Variants in FTO observed in about 807,000 individuals in gnomAD.
The protein encoded by FTO is alpha-ketoglutarate-dependent dioxygenase FTO.
FTO carries 47 observed loss-of-function variants against 63.9 expected under a neutral mutation model. The ratio of observed to expected loss-of-function variants is 0.74; its 90% CI spans 0.58 to 0.94. The LOEUF is 0.94. Among genes scored for constraint, FTO ranks in the 40% least tolerant of loss-of-function variants. The pLI is 0.00. For missense variants in FTO, 562 were observed against 618.1 expected, an observed-to-expected ratio of 0.91 and a Z score of 0.96; for synonymous variants, 207 against 224.4, an observed-to-expected ratio of 0.92 and a Z score of 0.69.
At chr16:53,878,503 G>T (rs1485926705) in intron 5 of FTO, among the ~76,000 whole-genome samples, 2 of 152,248 alleles carry the variant, frequency 1.3e-5, no homozygotes, top group South Asian at 4.1e-4. Flanking sequence ...TCCCAGGCTT[G>T]TTGATGTCGC....
intron 4 of FTO, among the ~76,000 whole-genome samples, chr16:53,857,468 T>TCTCTCTCTCTCTC (rs34270264): frequency 8.0e-6 from 1 of 124,830 alleles, no homozygotes; most frequent in African/African-American, 4.4e-5. Flanking sequence ...CTCTCTCTCT[T>TCTCTCTCTCTCTC]TCTATATATA....
At chr16:53,972,662 G>T (rs2083351185) in intron 8 of FTO, among the ~76,000 whole-genome samples, 3 of 152,264 alleles carry the variant, frequency 2.0e-5, no homozygotes, top group South Asian at 4.1e-4. Flanking sequence ...CTCAAATGTT[G>T]GTGGATAAAG....
At chr16:53,729,088 C>T (rs368090578) in intron 1 of FTO, among the ~76,000 whole-genome samples, 5 of 151,910 alleles carry the variant, frequency 3.3e-5, no homozygotes, top group African/African-American at 9.7e-5. Context: ...CTGTCTCCTG[C>T]TCCTCATCCA....
At chr16:53,832,210 A>G (rs2079162347) in intron 3 of FTO, among the ~76,000 whole-genome samples, 1 of 152,186 alleles carries the variant, frequency 6.6e-6, no homozygotes, top group Non-Finnish European at 1.5e-5. Context: ...GCCTGTAAGA[A>G]TGGCTACATT....
chr16:53,870,059 A>T lies in FTO; in HGVS notation c.896-3727A>T, dbSNP rs1377513492. 2.0e-5 allele frequency among the ~76,000 whole-genome samples: 3 copies of T among 152,042 alleles called. No individual in the cohort carries two copies. The East Asian group carries it at 5.8e-4, about 29-fold the overall frequency. ...TCTTTTAGTGAGTTTATGCCTGTGA[A>T]TTGTGAACCTCACAAGTGCTTCTCA... On this transcript the variant is annotated intron_variant, in intron 4 of 8. Transcript: ENST00000471389.
In FTO at chr16:53,979,535, CTGTGTGTGTGTGTGTGTG is replaced by C. The variant is rs57334871; in HGVS notation, c.1364+45441_1364+45458del. The C allele has an allele frequency of 8.8e-4, 328 of 373,348 alleles. 2 individuals carry two copies. The highest frequency in any genetic ancestry group is 5.9e-3 in the African/African-American group (274 of 46,832). The allele number at this position is 373,348 out of a possible 1,614,324, so 23.1% of individuals were successfully genotyped here. A position where few individuals can be genotyped will look rare whatever the true frequency, so the allele number is the denominator to read the frequency against. On this transcript the variant is annotated intron_variant, in intron 8 of 8. Coordinates refer to ENST00000471389, the MANE Select transcript of FTO (RefSeq NM_001080432.3). Reference sequence around the variant, plus strand: ...GATTGGATCTTTTTTATGTTTATGGCTGTGTGTGTGTGTGTGTGTGTGTGTGTGTGTGCGCGCGTGTGT... The same window carrying C: ...GATTGGATCTTTTTTATGTTTATGGCTGTGTGTGTGTGTGCGCGCGTGTGT...
intron 1 of FTO, among the ~76,000 whole-genome samples, chr16:53,802,353 G>A (rs1302158535): frequency 6.6e-6 from 1 of 151,754 alleles, no homozygotes; most frequent in South Asian, 2.1e-4. Flanking sequence ...CACATGTTTG[G>A]TATAGCTGCA....
At chr16:54,030,781 A>G (rs886863422) in intron 8 of FTO, among the ~76,000 whole-genome samples, 3 of 152,240 alleles carry the variant, frequency 2.0e-5, no homozygotes, top group Non-Finnish European at 4.4e-5. Flanking sequence ...AAACTCTAAT[A>G]AAGGATTTAA....
chr16:53,753,870 G>T (rs935785374), intron 1 of FTO, among the ~76,000 whole-genome samples: 5 of 152,202 alleles, frequency 3.3e-5, no homozygotes, highest in South Asian at 4.1e-4. Flanking sequence ...AGCTGCAGGA[G>T]AACTGGCTGC....
chr16:53,975,417 A>G (rs8057844), intron 8 of FTO, among the ~76,000 whole-genome samples: 1,768 of 152,220 alleles, frequency 0.012, 36 homozygotes, highest in African/African-American at 0.041. Context: ...TATTGCTATT[A>G]CACAGAATTT....
rs368837140 is a variant in FTO, at chr16:53,957,391, T to C, written c.1364+23282T>C. On this transcript the variant is annotated intron_variant, in intron 8 of 8. Coordinates refer to ENST00000471389, the MANE Select transcript of FTO (RefSeq NM_001080432.3). ...GTTGCTTTGAGATCTGAAACTGTCC[T>C]CTCTGAATTTCTTCATGGTTCATTG... is the stretch of plus-strand genomic sequence containing the variant. 5.3e-5 allele frequency among the ~76,000 whole-genome samples: 8 copies of C among 152,240 alleles called. No homozygotes were observed. In the South Asian group the frequency reaches 1.7e-3, roughly 31 times the overall value.
Position 53,918,138 on chromosome 16 carries a change from A to G in FTO, c.1240-15847A>G, listed in dbSNP as rs2081925294. On this transcript the variant is annotated intron_variant, in intron 7 of 8. Transcript: ENST00000471389. ...TCCTACAGGTCTACATTTTAGTTCC[A>G]TTGTCTCAAAATGAAAAGATAATAG... is the stretch of plus-strand genomic sequence containing the variant. 2.0e-5 allele frequency among the ~76,000 whole-genome samples: 3 copies of G among 152,100 alleles called. No homozygotes were observed. In the South Asian group the frequency reaches 6.2e-4, roughly 32 times the overall value.
intron 1 of FTO, among the ~76,000 whole-genome samples, chr16:53,808,712 G>A (rs768435743): frequency 7.2e-5 from 11 of 152,158 alleles, no homozygotes; most frequent in Non-Finnish European, 1.3e-4. Flanking sequence ...ATTGGGCATT[G>A]GAGCAGGTGG....
intron 8 of FTO, among the ~76,000 whole-genome samples, chr16:54,023,684 G>A (rs1314156768): frequency 1.3e-5 from 2 of 152,170 alleles, no homozygotes; most frequent in East Asian, 3.9e-4. Flanking sequence ...AAGCATGCTG[G>A]GGCACTGGGA....
intron 7 of FTO, among the ~76,000 whole-genome samples, chr16:53,920,843 G>A (rs956012538): frequency 6.6e-6 from 1 of 152,078 alleles, no homozygotes; most frequent in Non-Finnish European, 1.5e-5. Flanking sequence ...ACTCTGGGGG[G>A]ACCAGTTCTC....
chr16:54,008,047 C>T (rs2084251929), intron 8 of FTO, among the ~76,000 whole-genome samples: 1 of 152,064 alleles, frequency 6.6e-6, no homozygotes, highest in Non-Finnish European at 1.5e-5. Flanking sequence ...AGGATGTGCC[C>T]AAGAATCAGG....
At chr16:54,015,440 CA>C (rs1359825224) in intron 8 of FTO, among the ~76,000 whole-genome samples, 1 of 151,994 alleles carries the variant, frequency 6.6e-6, no homozygotes, top group African/African-American at 2.4e-5. Flanking sequence ...AGAGGTGAAG[CA>C]ATCAGTTTTC....
intron 1 of FTO, among the ~76,000 whole-genome samples, chr16:53,716,217 C>T (rs2075891697): frequency 6.6e-6 from 1 of 152,082 alleles, no homozygotes; most frequent in Non-Finnish European, 1.5e-5. Flanking sequence ...GACATGTTTA[C>T]CACCCTAGGG....
chr16:53,906,114 G>A (rs573099077), intron 7 of FTO, among the ~76,000 whole-genome samples: 1 of 152,278 alleles, frequency 6.6e-6, no homozygotes, highest in African/African-American at 2.4e-5. Context: ...CCAGCTCCAG[G>A]CATCGGGGTT....
Sources: gnomAD v4.1 joint callset for allele counts (sites outside exome capture counted in the v4.1 genomes callset) on GRCh38, gnomAD v4.1.1 for gene constraint, MANE v1.5 for transcripts, NCBI Gene and HGNC (gene_info 2026-07-23, HGNC 2026-07-21) for gene names.